Variants in JMJD6 observed in about 807,000 individuals in gnomAD.
JMJD6 encodes the protein jumonji domain containing 6, arginine demethylase and lysine hydroxylase, also known as bifunctional arginine demethylase and lysyl-hydroxylase JMJD6.
A neutral mutation model predicts 45.8 loss-of-function variants in JMJD6; 17 were observed. The observed-to-expected ratio is 0.37, with a 90% CI of 0.25 to 0.56. The LOEUF is 0.56. Ranked by LOEUF, JMJD6 falls within the 20% of genes least tolerant of loss-of-function variation. The pLI is 0.79. For synonymous variants in JMJD6, 221 were observed against 196.3 expected (o/e 1.13, Z -1.05); for missense variants, 470 against 517.5 (o/e 0.91, Z 0.89).
intron 1 of JMJD6, 54 bp from the exon 2 acceptor site, chr17:76,725,909 G>C (rs1278257613): frequency 4.7e-6 from 7 of 1,493,398 alleles, no homozygotes; most frequent in African/African-American, 1.4e-5. Flanking sequence ...AAGTCCAGTG[G>C]CAGATAAGGG....
chr17:76,722,058 T>C (rs1567999250), intron 3 of JMJD6, 125 bp from the exon 4 acceptor site: 2 of 1,006,662 alleles, frequency 2.0e-6, no homozygotes, highest in Middle Eastern at 2.3e-4. Context: ...TGATACAGGG[T>C]AGTTCCTTCT....
Position 76,718,529 on chromosome 17 carries a change from C to T in JMJD6, c.*200G>A. The T allele has an allele frequency of 7.3e-7, 1 of 1,367,632 alleles. No homozygotes were observed. Among genetic ancestry groups the T allele is most frequent in the South Asian group, 1.8e-5 (1 of 55,626 alleles). 84.7% of individuals were successfully genotyped at this position (1,367,632 alleles called of 1,614,324 possible). Reference sequence around the variant, plus strand: ...TTCACATTCTCTTGCCTGAGTAAAACAAGCCGCGTTTATCTGCATTGGTAG... The same window carrying T: ...TTCACATTCTCTTGCCTGAGTAAAATAAGCCGCGTTTATCTGCATTGGTAG... On this transcript the variant is annotated 3_prime_UTR_variant, in exon 6 of 6. Transcript: ENST00000397625.
chr17:76,721,915 A>G lies in JMJD6; in HGVS notation c.824T>C (p.Val275Ala), dbSNP rs2076830215. The change falls in exon 4 of 6, where the codon GTC becomes GCC. Residue 275 changes from valine to alanine, a missense_variant. Coordinates refer to ENST00000397625, the MANE Select transcript of JMJD6 (RefSeq NM_015167.3). ...VFVPGGWWHVVLNLDTTIAIT... is the reference protein window; with the variant it reads ...VFVPGGWWHVALNLDTTIAIT... ...GGCGATAGTAGTGTCGAGATTGAGGACAACATGCCACCAGCCTCCTGAAAT... is the reference window on the plus strand; with the variant it reads ...GGCGATAGTAGTGTCGAGATTGAGGGCAACATGCCACCAGCCTCCTGAAAT... 1 of 1,614,032 alleles carries G rather than the reference A, an allele frequency of 6.2e-7. No homozygotes were observed.
Position 76,725,549 on chromosome 17 carries a change from G to C in JMJD6, c.436C>G (p.Leu146Val), listed in dbSNP as rs773824000. ...SYGEHPKRRK[L>V]LEDYKVPKFF... Reference sequence around the variant, plus strand: ...TTTGGCACCTTGTAGTCTTCCAAAAGTTTCCTTCTTTTAGGGTGTTCACCA... The same window carrying C: ...TTTGGCACCTTGTAGTCTTCCAAAACTTTCCTTCTTTTAGGGTGTTCACCA... The change falls in exon 2 of 6, where the codon CTT becomes GTT. Residue 146 changes from leucine (L) to valine (V), a missense_variant. By Grantham distance (32) the Leu-to-Val change is conservative. This residue lies in a region of JMJD6 where 346 missense variants were observed against 339.5 expected (regional missense o/e 1.02). Transcript: ENST00000397625. 1 of 1,614,042 alleles carries C rather than the reference G, an allele frequency of 6.2e-7. No individual in the cohort carries two copies. The highest frequency in any genetic ancestry group is 2.2e-5 in the East Asian group (1 of 44,890).
Position 76,721,899 on chromosome 17 carries a change from A to G in JMJD6, c.840T>C (p.Thr280=). 1 of 1,614,216 alleles carries G rather than the reference A, an allele frequency of 6.2e-7. No individual in the cohort carries two copies. ...GWWHVVLNLD[T]TIAITQNFAS... ...CAAAATTTTGGGTGATGGCGATAGT[A>G]GTGTCGAGATTGAGGACAACATGCC... The change falls in exon 4 of 6, where the codon ACT becomes ACC. Residue 280 remains threonine (T), a synonymous_variant. Coordinates refer to ENST00000397625, the MANE Select transcript of JMJD6 (RefSeq NM_015167.3).
intron 2 of JMJD6, among the ~76,000 whole-genome samples, chr17:76,724,922 A>T (rs540112627): frequency 6.6e-6 from 1 of 152,312 alleles, no homozygotes; most frequent in East Asian, 1.9e-4. Flanking sequence ...ATAGCTGCAC[A>T]TTCAAGTCAC....
chr17:76,726,332 GCCCGA>G lies in JMJD6; in HGVS notation c.129+10_129+14del, dbSNP rs1221980855. ...GCCGATGCCCGGCCTGGCCACCCCC[GCCCGA>G]CCCGCTCACCGCCACGGCCGCCGGG... On this transcript the variant is annotated intron_variant, in intron 1 of 5. Transcript: ENST00000397625. 6.4e-7 allele frequency: 1 copy of G among 1,560,758 alleles called. No homozygotes were observed. The highest frequency in any genetic ancestry group is 1.2e-5 in the South Asian group (1 of 85,678).
downstream of JMJD6, chr17:76,715,493 AAC>A (rs921244074): frequency 1.3e-5 from 2 of 152,236 alleles, no homozygotes; most frequent in African/African-American, 4.8e-5. Context: ...GTCTGTTAAT[AAC>A]AGTGAGCAGA....
In JMJD6 at chr17:76,725,871, A is replaced by G. The variant is rs1258972768; in HGVS notation, c.130-16T>C. 2 of 1,578,384 alleles carry G rather than the reference A, an allele frequency of 1.3e-6. No individual in the cohort carries two copies. The highest frequency in any genetic ancestry group is 1.7e-6 in the Non-Finnish European group (2 of 1,169,180). On this transcript the variant is annotated splice_polypyrimidine_tract_variant and intron_variant, in intron 1 of 5. Coordinates refer to ENST00000397625, the MANE Select transcript of JMJD6 (RefSeq NM_015167.3). ...CCACGTTATCCTGAGGGAATTAAAAAAGACCTGTCCAGTTAAAAAAAAAAA... is the reference window on the plus strand; with the variant it reads ...CCACGTTATCCTGAGGGAATTAAAAGAGACCTGTCCAGTTAAAAAAAAAAA...
rs1327623567 is a variant in JMJD6 at position 76,725,528 on chromosome 17, G to A, written c.457C>T (p.Pro153Ser). ...RRKLLEDYKVPKFFTDDLFQY... is the reference protein window; with the variant it reads ...RRKLLEDYKVSKFFTDDLFQY... ...AAAAGGTCATCAGTGAAAAACTTTG[G>A]CACCTTGTAGTCTTCCAAAAGTTTC... Residue 153 changes from proline to serine, a missense_variant, in exon 2 of 6, where the codon CCA becomes TCA. Transcript: ENST00000397625. The A allele has an allele frequency of 6.2e-7, 1 of 1,613,984 alleles. No individual in the cohort carries two copies.
chr17:76,716,688 A>G (rs1598372327), downstream of JMJD6: 3 of 1,614,152 alleles, frequency 1.9e-6, no homozygotes, highest in Non-Finnish European at 2.5e-6. Context: ...TTATCTGCTC[A>G]GGGGTGAGCC....
rs761763521 is a variant in JMJD6, at chr17:76,725,739, C to A, written c.246G>T (p.Gln82His). The stretch of plus-strand genomic sequence containing the variant: ...TTAGGCGCTCCAGAGTCCATTTCTC[C>A]TGCGCAGACCAGCCCTCTTGCGCAT... ...LLNAQEGWSA[Q>H]EKWTLERLKR... Residue 82 changes from glutamine (Q) to histidine (H), a missense_variant, in exon 2 of 6, where the codon CAG (glutamine) becomes CAT (histidine). Coordinates refer to ENST00000397625, the MANE Select transcript of JMJD6 (RefSeq NM_015167.3). 5.6e-6 allele frequency: 9 copies of A among 1,614,020 alleles called. No individual in the cohort carries two copies. Among genetic ancestry groups the A allele is most frequent in the African/African-American group, 1.3e-5 (1 of 74,892 alleles).
At chr17:76,721,718 C>A in intron 4 of JMJD6, 80 bp downstream of exon 4, 1 of 1,452,634 alleles carries the variant, frequency 6.9e-7, no homozygotes, top group South Asian at 1.2e-5. Context: ...CAGCACACAT[C>A]ATCGCAGCAG....
Position 76,725,726 on chromosome 17 carries a change from G to C in JMJD6, c.259C>G (p.Leu87Val). 4 of 1,614,100 alleles carry C rather than the reference G, an allele frequency of 2.5e-6. No homozygotes were observed. The highest frequency in any genetic ancestry group is 3.4e-6 in the Non-Finnish European group (4 of 1,180,022). ...EGWSAQEKWT[L>V]ERLKRKYRNQ... is the part of the protein sequence containing the mutation. ...CGATATTTCCTTTTTAGGCGCTCCAGAGTCCATTTCTCCTGCGCAGACCAG... is the reference window on the plus strand; with the variant it reads ...CGATATTTCCTTTTTAGGCGCTCCACAGTCCATTTCTCCTGCGCAGACCAG... The change falls in exon 2 of 6, where the codon CTG becomes GTG. Residue 87 changes from leucine (L) to valine (V), a missense_variant. Physicochemically the swap from Leu to Val is conservative, Grantham distance 32. This residue lies in a region of JMJD6 where 346 missense variants were observed against 339.5 expected (regional missense o/e 1.02). Coordinates refer to ENST00000397625, the MANE Select transcript of JMJD6 (RefSeq NM_015167.3).
At chr17:76,721,307 CG>C in intron 4 of JMJD6, 1 of 451,926 alleles carries the variant, frequency 2.2e-6, no homozygotes, top group Non-Finnish European at 4.5e-6. Context: ...CACAGTGGCA[CG>C]GGGTGGCTGT....
chr17:76,721,901 T>A lies in JMJD6; in HGVS notation c.838A>T (p.Thr280Ser). The A allele has an allele frequency of 6.2e-7, 1 of 1,614,184 alleles. No individual in the cohort carries two copies. The highest frequency in any genetic ancestry group is 8.5e-7 in the Non-Finnish European group (1 of 1,180,032). ...AAATTTTGGGTGATGGCGATAGTAG[T>A]GTCGAGATTGAGGACAACATGCCAC... is the stretch of plus-strand genomic sequence containing the variant. Reference protein sequence around the residue: ...GWWHVVLNLDTTIAITQNFAS... With the variant: ...GWWHVVLNLDSTIAITQNFAS... Residue 280 changes from threonine to serine, a missense_variant, in exon 4 of 6, where the codon ACT becomes TCT. Around this residue, in one of 4 missense-constraint regions of JMJD6, gnomAD observed 58 missense variants for 103.9 expected, o/e 0.56. Coordinates refer to ENST00000397625, the MANE Select transcript of JMJD6 (RefSeq NM_015167.3).
In JMJD6 at chr17:76,723,325, T is replaced by A. The variant is rs201165244; in HGVS notation, c.805+447A>T. Among the ~76,000 whole-genome samples, 11 of 152,326 alleles carry A rather than the reference T, an allele frequency of 7.2e-5. No individual in the cohort carries two copies. In the East Asian group the frequency reaches 1.7e-3, roughly 24 times the overall value. On this transcript the variant is annotated intron_variant, in intron 3 of 5. Coordinates refer to ENST00000397625, the MANE Select transcript of JMJD6 (RefSeq NM_015167.3). Reference sequence around the variant, plus strand: ...AAGTATGTGACACTATAGCTACATGTTACTGTCAGAGGTGAGTACCAGTTC... The same window carrying A: ...AAGTATGTGACACTATAGCTACATGATACTGTCAGAGGTGAGTACCAGTTC...
Position 76,726,136 on chromosome 17 carries a change from G to C in JMJD6, c.129+211C>G, listed in dbSNP as rs377686211. On this transcript the variant is annotated intron_variant, in intron 1 of 5. Coordinates refer to ENST00000397625, the MANE Select transcript of JMJD6 (RefSeq NM_015167.3). ...GCGCCACAGGCGTGGGACTCCCGTC[G>C]TCCGCCAGAGCAGACGGGCGGCCAC... Among the ~76,000 whole-genome samples, 9 of 152,372 alleles carry C rather than the reference G, an allele frequency of 5.9e-5. No homozygotes were observed. The East Asian group carries it at 9.6e-4, about 16-fold the overall frequency.
Position 76,725,459 on chromosome 17 carries a change from T to C in JMJD6, c.518+8A>G, listed in dbSNP as rs1191683562. 7.7e-7 allele frequency: 1 copy of C among 1,304,032 alleles called. No individual in the cohort carries two copies. 80.8% of individuals were successfully genotyped at this position (1,304,032 alleles called of 1,614,324 possible). ...GGATTTTAACCACTTAGCTGCAGAA[T>C]ACTTTACCTGTAAGGGGGCCTGCGC... On this transcript the variant is annotated splice_region_variant and intron_variant, in intron 2 of 5. Coordinates refer to ENST00000397625, the MANE Select transcript of JMJD6 (RefSeq NM_015167.3).
Sources: gnomAD v4.1 joint callset for allele counts (sites outside exome capture counted in the v4.1 genomes callset) on GRCh38, gnomAD v4.1.1 for gene constraint, gnomAD v4.1.1 regional missense constraint, MANE v1.5 for transcripts, NCBI Gene and HGNC (gene_info 2026-07-23, HGNC 2026-07-21) for gene names.